Variants in EVI5 observed in about 807,000 individuals in gnomAD.
EVI5 encodes the protein ecotropic viral integration site 5.
A neutral mutation model predicts 112.0 loss-of-function variants in EVI5; 73 were observed. The ratio of observed to expected loss-of-function variants is 0.65; its 90% confidence interval spans 0.54 to 0.79. The LOEUF (loss-of-function observed/expected upper bound fraction) is 0.79. Ranked by LOEUF, EVI5 falls within the 30% of genes least tolerant of loss-of-function variation. The pLI, the probability that EVI5 is intolerant of heterozygous loss-of-function variation, is 0.00. For synonymous variants in EVI5, 305 were observed against 319.9 expected, an observed-to-expected ratio of 0.95 and a Z score of 0.50; for missense variants, 900 against 968.8, an observed-to-expected ratio of 0.93 and a Z score of 0.94.
At chr1:92,571,882 C>G (rs530270123) in intron 18 of EVI5, among the ~76,000 whole-genome samples, 1 of 152,184 alleles carries the variant, frequency 6.6e-6, no homozygotes, top group South Asian at 2.1e-4. Context: ...CTAAGTAAAA[C>G]TAATTAGGTA....
intron 9 of EVI5, among the ~76,000 whole-genome samples, chr1:92,689,242 T>C (rs1415451589): frequency 6.6e-6 from 1 of 152,154 alleles, no homozygotes; most frequent in Non-Finnish European, 1.5e-5. Flanking sequence ...ACAGCTTACT[T>C]TGCAACCTTA....
chr1:92,546,653 G>T (rs1229415295), intron 19 of EVI5, among the ~76,000 whole-genome samples: 1 of 151,948 alleles, frequency 6.6e-6, no homozygotes, highest in Non-Finnish European at 1.5e-5. Context: ...CCGAGATCAC[G>T]CCACTGCACT....
At chr1:92,558,094 G>T (rs1667960456) in intron 19 of EVI5, among the ~76,000 whole-genome samples, 1 of 152,088 alleles carries the variant, frequency 6.6e-6, no homozygotes, top group Admixed American at 6.6e-5. Flanking sequence ...TTTAAAATCT[G>T]ATTTAAATAA....
chr1:92,655,068 G>A (rs112258635), intron 13 of EVI5, among the ~76,000 whole-genome samples: 3 of 152,218 alleles, frequency 2.0e-5, no homozygotes, highest in African/African-American at 7.2e-5. Flanking sequence ...GGAAGTAATT[G>A]AGGAAAACTC....
chr1:92,594,868 T>C (rs549700985), intron 18 of EVI5, among the ~76,000 whole-genome samples: 143 of 152,122 alleles, frequency 9.4e-4, no homozygotes, highest in Middle Eastern at 6.8e-3. Flanking sequence ...CACAATGAGA[T>C]ACCATCTCAC....
At chr1:92,593,799 A>G (rs1674429478) in intron 18 of EVI5, among the ~76,000 whole-genome samples, 1 of 152,230 alleles carries the variant, frequency 6.6e-6, no homozygotes. Context: ...GAGCCAAATC[A>G]TCAGTGAACT....
Position 92,697,891 on chromosome 1 carries a change from AG to A in EVI5, c.733del (p.Leu245PhefsTer9). 6.2e-7 allele frequency: 1 copy of A among 1,613,098 alleles called. No individual in the cohort carries two copies. The highest frequency in any genetic ancestry group is 8.5e-7 in the Non-Finnish European group (1 of 1,179,260). ...CATACATTCAAACTGGTACATACAA[AG>A]GCCCAATTCTGCCATACTTGGTTTA... Reference protein sequence around the residue: ...LFKPSMAELGLCMYQFECMIQ... With the variant: ...LFKPSMAELGXCMYQFECMIQ... On this transcript the variant is annotated frameshift_variant, in exon 6 of 20. Transcript: ENST00000684568. LOFTEE classifies it high-confidence loss of function.
intron 19 of EVI5, among the ~76,000 whole-genome samples, chr1:92,520,826 C>A (rs1660777227): frequency 6.6e-6 from 1 of 150,698 alleles, no homozygotes; most frequent in South Asian, 2.1e-4. Context: ...TGCATTCTAG[C>A]CTGGGTGATA....
At chr1:92,610,514 T>C (rs1651512780) in intron 16 of EVI5, among the ~76,000 whole-genome samples, 2 of 152,218 alleles carry the variant, frequency 1.3e-5, no homozygotes, top group Non-Finnish European at 2.9e-5. Flanking sequence ...TATAGGACTT[T>C]ACCTAACATA....
chr1:92,748,530 T>C (rs1046021836), intron 1 of EVI5, among the ~76,000 whole-genome samples: 1 of 152,234 alleles, frequency 6.6e-6, no homozygotes, highest in African/African-American at 2.4e-5. Flanking sequence ...TTAAGTTTCA[T>C]GGTGGTTTGT....
At chr1:92,536,237 T>C (rs1286066020) in intron 19 of EVI5, among the ~76,000 whole-genome samples, 5 of 152,238 alleles carry the variant, frequency 3.3e-5, no homozygotes, top group Non-Finnish European at 5.9e-5. Context: ...GATCGGATTT[T>C]AGAATTTCTC....
intron 16 of EVI5, chr1:92,622,416 TAC>T (rs1654796469): frequency 2.8e-6 from 1 of 359,028 alleles, no homozygotes; most frequent in Non-Finnish European, 5.5e-6. Flanking sequence ...CTTGAAGATA[TAC>T]ACAAGGAAAC....
At chr1:92,630,184 G>A (rs1043426540) in intron 14 of EVI5, among the ~76,000 whole-genome samples, 43 of 152,302 alleles carry the variant, frequency 2.8e-4, no homozygotes, top group Non-Finnish European at 5.3e-4. Context: ...TATATACCCA[G>A]TAATGGGATG....
In EVI5 at chr1:92,747,716, C is replaced by CAAAAAAAA. The variant is rs3042578; in HGVS notation, c.-81-11097_-81-11090dup. The stretch of plus-strand genomic sequence containing the variant: ...GTGACAGAGCCAGACTCCATCTCAC[C>CAAAAAAAA]AAAAAAAAAAACAAAAAAAAAAACC... On this transcript the variant is annotated intron_variant, in intron 1 of 19. Coordinates refer to ENST00000684568, the MANE Select transcript of EVI5 (RefSeq NM_001350197.2). Among the ~76,000 whole-genome samples, 3 of 83,544 alleles carry CAAAAAAAA rather than the reference C, an allele frequency of 3.6e-5. 1 individual carries two copies. Among genetic ancestry groups the CAAAAAAAA allele is most frequent in the Non-Finnish European group, 2.2e-5 (1 of 45,716 alleles). 54.8% of individuals were successfully genotyped at this position (83,544 alleles called of 152,430 possible).
At chr1:92,677,291 A>G in intron 9 of EVI5, 73 bp from the exon 10 acceptor site, 3 of 757,418 alleles carry the variant, frequency 4.0e-6, no homozygotes, top group Non-Finnish European at 6.4e-6. Flanking sequence ...CAAAATTTAA[A>G]AATACATATG....
intron 13 of EVI5, among the ~76,000 whole-genome samples, chr1:92,644,442 T>C (rs143101952): frequency 6.6e-5 from 10 of 152,350 alleles, no homozygotes; most frequent in African/African-American, 2.4e-4. Context: ...ACTTTACTGA[T>C]CATTTCAAGA....
intron 9 of EVI5, 73 bp from the exon 10 acceptor site, chr1:92,677,291 A>T: frequency 1.3e-6 from 1 of 757,414 alleles, no homozygotes; most frequent in Non-Finnish European, 2.1e-6. Context: ...CAAAATTTAA[A>T]AATACATATG....
intron 2 of EVI5, among the ~76,000 whole-genome samples, chr1:92,717,815 A>G (rs2102668439): frequency 6.6e-6 from 1 of 152,228 alleles, no homozygotes; most frequent in East Asian, 1.9e-4. Context: ...ACGTGCAAAG[A>G]CGCACATAGG....
At chr1:92,532,573 A>C (rs1238302992) in intron 19 of EVI5, among the ~76,000 whole-genome samples, 1 of 152,236 alleles carries the variant, frequency 6.6e-6, no homozygotes, top group Admixed American at 6.5e-5. Flanking sequence ...AACGGAAATC[A>C]TAACAAACAG....
Sources: allele counts gnomAD v4.1 joint callset (sites outside exome capture counted in the v4.1 genomes callset), GRCh38; gene constraint gnomAD v4.1.1; transcripts MANE v1.5; gene names NCBI Gene and HGNC (gene_info 2026-07-23, HGNC 2026-07-21).